PLCE1: variants seen among roughly 807,000 people sequenced by gnomAD.
PLCE1 encodes the protein phospholipase C epsilon 1.
A neutral mutation model predicts 242.8 loss-of-function variants in PLCE1; 119 were observed. The ratio of observed to expected loss-of-function variants is 0.49; its 90% confidence interval spans 0.42 to 0.57. PLCE1 has a LOEUF of 0.57. Ranked by LOEUF, PLCE1 falls within the 20% of genes least tolerant of loss-of-function variation. The pLI, the probability that PLCE1 is intolerant of heterozygous loss-of-function variation, is 0.00. For missense variants in PLCE1, 2,441 were observed against 2,788.8 expected, an observed-to-expected ratio of 0.88 and a Z score of 2.81; for synonymous variants, 945 against 1,017.4, an observed-to-expected ratio of 0.93 and a Z score of 1.35.
At chr10:94,024,374 T>G (rs895445726) in intron 1 of PLCE1, among the ~76,000 whole-genome samples, 7 of 152,320 alleles carry the variant, frequency 4.6e-5, no homozygotes, top group South Asian at 2.1e-4. Flanking sequence ...ACTGAGTAAC[T>G]TTTACTGTCT....
At chr10:94,149,487 G>A (rs1178989360) in intron 3 of PLCE1, among the ~76,000 whole-genome samples, 2 of 152,182 alleles carry the variant, frequency 1.3e-5, no homozygotes, top group Middle Eastern at 3.2e-3. Context: ...TGTTCTAAGT[G>A]TTTTACCAAC....
In PLCE1 at chr10:94,298,487, C is replaced by T. The variant is rs759267806; in HGVS notation, c.5276C>T (p.Ser1759Leu). ...IRTPKCYHISSLNENAAKRLC... is the reference protein window; with the variant it reads ...IRTPKCYHISLLNENAAKRLC... ...ACTCCCAAATGTTATCATATCTCGT[C>T]GCTGAATGAAAATGCCGCCAAACGT... Residue 1759 changes from serine to leucine, a missense_variant, in exon 24 of 33, where the codon TCG becomes TTG. By Grantham distance (145) the Ser-to-Leu change is moderately radical. Coordinates refer to ENST00000371380, the MANE Select transcript of PLCE1 (RefSeq NM_016341.4). The surrounding 1 kb of genome is among the most constrained non-coding windows in gnomAD (Gnocchi z 5.2). The T allele has an allele frequency of 3.1e-6, 5 of 1,614,080 alleles. No individual in the cohort carries two copies. Among genetic ancestry groups the T allele is most frequent in the East Asian group, 2.2e-5 (1 of 44,872 alleles).
intron 2 of PLCE1, among the ~76,000 whole-genome samples, chr10:94,113,361 C>G (rs763374970): frequency 6.6e-6 from 1 of 150,666 alleles, no homozygotes; most frequent in African/African-American, 2.4e-5. Context: ...AAACTCAGTA[C>G]TATACACCCA....
At chr10:94,206,980 G>T (rs938878165) in intron 4 of PLCE1, among the ~76,000 whole-genome samples, 2 of 152,174 alleles carry the variant, frequency 1.3e-5, no homozygotes, top group Non-Finnish European at 1.5e-5. Context: ...TTTTTCATTG[G>T]TAAATGCTTT....
In PLCE1 at chr10:94,250,042, T is replaced by C. The variant is rs573242075; in HGVS notation, c.3097-2274T>C. ...AGAGGTAACAGTGCATGGATATTTT[T>C]TAAGGAATCTATTTTCTAATCTTCA... On this transcript the variant is annotated intron_variant, in intron 8 of 32. Transcript: ENST00000371380. Among the ~76,000 whole-genome samples the C allele has an allele frequency of 2.0e-5, 3 of 152,072 alleles. No individual in the cohort carries two copies. The South Asian group carries it at 6.2e-4, about 32-fold the overall frequency.
intron 4 of PLCE1, among the ~76,000 whole-genome samples, chr10:94,192,046 T>C (rs1161165631): frequency 1.3e-5 from 2 of 152,146 alleles, no homozygotes; most frequent in Admixed American, 1.3e-4. Flanking sequence ...TTGACATAAT[T>C]ATATATATAT....
intron 2 of PLCE1, among the ~76,000 whole-genome samples, chr10:94,062,581 T>TG (rs2044083220): frequency 2.6e-4 from 1 of 3,832 alleles, no homozygotes; most frequent in South Asian, 0.02. Context: ...TTCTTGGTTT[T>TG]GTTTTTTTTT....
chr10:94,229,239 C>A (rs1283488729), intron 5 of PLCE1, among the ~76,000 whole-genome samples: 9 of 136,102 alleles, frequency 6.6e-5, no homozygotes, highest in Non-Finnish European at 9.5e-5. Context: ...TATTACATTT[C>A]TTTTAAGAAA....
chr10:94,193,869 C>T (rs1174353851), intron 4 of PLCE1, among the ~76,000 whole-genome samples: 1 of 152,214 alleles, frequency 6.6e-6, no homozygotes, highest in Non-Finnish European at 1.5e-5. Context: ...GCGGGCTTCC[C>T]TGCTGGGTGC....
intron 1 of PLCE1, among the ~76,000 whole-genome samples, 98 bp from the exon 2 acceptor site, chr10:94,030,585 C>CT (rs35525914): frequency 4.9e-4 from 75 of 151,834 alleles, no homozygotes; most frequent in African/African-American, 1.8e-3. Flanking sequence ...AAAAAAAAAC[C>CT]TTTTTTCTCA....
At chr10:94,307,907 C>T (rs1399780007) in intron 26 of PLCE1, among the ~76,000 whole-genome samples, 2 of 152,244 alleles carry the variant, frequency 1.3e-5, no homozygotes, top group East Asian at 1.9e-4. Flanking sequence ...GAAACAAAAA[C>T]AATTTTTTTT....
At chr10:94,313,180 G>C in intron 27 of PLCE1, 74 bp from the exon 28 acceptor site, 1 of 1,559,220 alleles carries the variant, frequency 6.4e-7, no homozygotes, top group Non-Finnish European at 8.8e-7. Context: ...CTAAGTACTA[G>C]CACCTCTGTA....
chr10:94,133,074 C>A (rs570525408), intron 3 of PLCE1, among the ~76,000 whole-genome samples: 1 of 150,996 alleles, frequency 6.6e-6, no homozygotes, highest in Non-Finnish European at 1.5e-5. Flanking sequence ...TAGTTTATGA[C>A]AAATGTCAAT....
chr10:94,299,136 C>G (rs987310140), intron 24 of PLCE1, among the ~76,000 whole-genome samples: 1 of 152,190 alleles, frequency 6.6e-6, no homozygotes, highest in East Asian at 1.9e-4. Context: ...GGTCAGTGCC[C>G]GAAGAGTAGC....
chr10:94,080,541 T>C (rs1289074519), intron 2 of PLCE1, among the ~76,000 whole-genome samples: 1 of 152,232 alleles, frequency 6.6e-6, no homozygotes, highest in Non-Finnish European at 1.5e-5. Flanking sequence ...AGGCCTGTAC[T>C]TCTCTGGATT....
intron 9 of PLCE1, among the ~76,000 whole-genome samples, chr10:94,252,989 G>A: frequency 6.6e-6 from 1 of 152,190 alleles, no homozygotes; most frequent in African/African-American, 2.4e-5. Flanking sequence ...CTGTGGGCAA[G>A]GAAGGGCTAG....
chr10:94,126,233 G>C (rs554133562), intron 2 of PLCE1, among the ~76,000 whole-genome samples: 2 of 152,258 alleles, frequency 1.3e-5, no homozygotes, highest in Admixed American at 1.3e-4. Context: ...ACCATAATGG[G>C]AGGAGTGTAA....
chr10:94,262,430 C>T (rs543917613), intron 13 of PLCE1, 64 bp from the exon 14 acceptor site: 32 of 1,075,502 alleles, frequency 3.0e-5, no homozygotes, highest in Non-Finnish European at 4.6e-5. Context: ...ACCATTATCT[C>T]CAAAATGAAC....
intron 2 of PLCE1, among the ~76,000 whole-genome samples, chr10:94,086,508 T>C (rs2044831176): frequency 6.6e-6 from 1 of 152,236 alleles, no homozygotes; most frequent in African/African-American, 2.4e-5. Flanking sequence ...TTTATATCTC[T>C]GTTGTAACAC....
Sources: gnomAD v4.1 joint callset for allele counts (sites outside exome capture counted in the v4.1 genomes callset) on GRCh38, gnomAD v4.1.1 for gene constraint, Gnocchi (gnomAD v3.1) non-coding constraint, MANE v1.5 for transcripts, NCBI Gene and HGNC (gene_info 2026-07-23, HGNC 2026-07-21) for gene names.